The following MYT1L variants were observed in gnomAD, a reference collection of about 807,000 sequenced individuals.
The protein encoded by MYT1L is myelin transcription factor 1-like protein.
Under a neutral mutation model 126.7 loss-of-function variants are expected in MYT1L, and 12 were observed. That is an observed-to-expected ratio of 0.09 (90% CI 0.06 to 0.15). The LOEUF (loss-of-function observed/expected upper bound fraction) is 0.15, where lower values mean the gene tolerates loss of function less well. Ranked by LOEUF, MYT1L falls within the 10% of genes least tolerant of loss-of-function variation. The pLI, the probability that MYT1L is intolerant of heterozygous loss-of-function variation, is 1.00. For missense variants in MYT1L, 979 were observed against 1,585.2 expected, an observed-to-expected ratio of 0.62 and a Z score of 6.49; for synonymous variants, 541 against 604.2, an observed-to-expected ratio of 0.90 and a Z score of 1.53.
In MYT1L at chr2:1,796,259, G is replaced by C. The variant is rs111775729; in HGVS notation, c.3277-3795C>G. 4.5e-3 allele frequency among the ~76,000 whole-genome samples: 687 copies of C among 152,300 alleles called. 4 individuals carry two copies. Among genetic ancestry groups the C allele is most frequent in the African/African-American group, 0.015 (628 of 41,564 alleles). On this transcript the variant is annotated intron_variant, in intron 23 of 24. Transcript: ENST00000647738. ...ATCCCTGGTCTAGACTAAGTACCTTGATGGCGTGATGTGTTTAGAAAACAT... is the reference window on the plus strand; with the variant it reads ...ATCCCTGGTCTAGACTAAGTACCTTCATGGCGTGATGTGTTTAGAAAACAT...
rs986790754 is a variant in MYT1L, at chr2:1,964,422, T to C, written c.152+14743A>G. ...TGTTAGAAAAACGGCATTGATGGAC[T>C]TGTATGGTCAGGGTTGCCACAAACC... On this transcript the variant is annotated intron_variant, in intron 8 of 24. Coordinates refer to ENST00000647738, the MANE Select transcript of MYT1L (RefSeq NM_001303052.2). 2.1e-4 allele frequency among the ~76,000 whole-genome samples: 32 copies of C among 152,198 alleles called. 1 individual carries two copies. Among genetic ancestry groups the C allele is most frequent in the African/African-American group, 7.2e-4 (30 of 41,434 alleles).
chr2:2,327,846 G>A (rs1021167561), intron 1 of MYT1L, among the ~76,000 whole-genome samples: 37 of 151,888 alleles, frequency 2.4e-4, no homozygotes, highest in African/African-American at 8.7e-4. Context: ...AATATTTAAG[G>A]GTAAATAAAC....
chr2:1,956,221 C>CTATCTATT (rs1275667108), intron 8 of MYT1L, among the ~76,000 whole-genome samples: 1 of 133,324 alleles, frequency 7.5e-6, no homozygotes, highest in South Asian at 2.1e-4. Context: ...ATCTATCTAT[C>CTATCTATT]TATCTGTCTA....
intron 3 of MYT1L, among the ~76,000 whole-genome samples, chr2:2,064,664 C>T (rs1425097784): frequency 6.6e-6 from 1 of 152,128 alleles, no homozygotes; most frequent in African/African-American, 2.4e-5. Flanking sequence ...CAATCTTCAA[C>T]TGTTTAGATG....
In MYT1L at chr2:1,879,076, T is replaced by C. The variant is rs534581051; in HGVS notation, c.2711+7463A>G. On this transcript the variant is annotated intron_variant, in intron 18 of 24. Coordinates refer to ENST00000647738, the MANE Select transcript of MYT1L (RefSeq NM_001303052.2). ...ATGTAAGAGAGAGCACAGCAATAGG[T>C]TGAAATTGCAGACGTGGCTGTGAGC... 2.7e-4 allele frequency among the ~76,000 whole-genome samples: 41 copies of C among 152,272 alleles called. No individual in the cohort carries two copies. The East Asian group carries it at 2.9e-3, about 11-fold the overall frequency.
At chr2:2,152,922 G>A (rs2086051438) in intron 3 of MYT1L, among the ~76,000 whole-genome samples, 1 of 152,100 alleles carries the variant, frequency 6.6e-6, no homozygotes, top group South Asian at 2.1e-4. Flanking sequence ...AGAAGCACAC[G>A]GCCATCTACT....
chr2:1,831,649 A>T (rs1222475558), intron 21 of MYT1L, among the ~76,000 whole-genome samples: 1 of 152,122 alleles, frequency 6.6e-6, no homozygotes. Context: ...TGAGCCCAGC[A>T]TCGTTTTGAA....
intron 2 of MYT1L, among the ~76,000 whole-genome samples, chr2:2,279,347 A>G (rs1315603231): frequency 1.3e-5 from 2 of 152,114 alleles, no homozygotes; most frequent in Non-Finnish European, 2.9e-5. Context: ...TTACATATCA[A>G]AGAAGTATTA....
intron 3 of MYT1L, among the ~76,000 whole-genome samples, chr2:2,152,115 A>T (rs754731023): frequency 6.6e-6 from 1 of 152,242 alleles, no homozygotes; most frequent in Non-Finnish European, 1.5e-5. Flanking sequence ...ACATGCTAGC[A>T]TCACCATTCT....
At chr2:2,306,130 C>G (rs961329757) in intron 1 of MYT1L, 2 of 152,214 alleles carry the variant, frequency 1.3e-5, no homozygotes, top group Admixed American at 6.5e-5. Flanking sequence ...TGTGCCCAGA[C>G]TCTTTTCCTC....
intron 2 of MYT1L, among the ~76,000 whole-genome samples, chr2:2,264,987 CT>C (rs1429893886): frequency 6.6e-6 from 1 of 151,934 alleles, no homozygotes; most frequent in African/African-American, 2.4e-5. Context: ...CTATAACTTA[CT>C]GGTCAGAACA....
chr2:2,202,744 AAG>A (rs1343124264), intron 2 of MYT1L, among the ~76,000 whole-genome samples: 1 of 152,206 alleles, frequency 6.6e-6, no homozygotes, highest in African/African-American at 2.4e-5. Flanking sequence ...TCAATAGAAA[AAG>A]AGGGAATCCT....
At chr2:1,886,958 G>T in intron 17 of MYT1L, 1 of 402,818 alleles carries the variant, frequency 2.5e-6, no homozygotes, top group South Asian at 1.3e-4. Flanking sequence ...TTAAAGGGTT[G>T]ACACAGAATT....
At chr2:2,140,432 C>CTTTTTTTTTTTTTTT (rs35297300) in intron 3 of MYT1L, among the ~76,000 whole-genome samples, 11 of 112,970 alleles carry the variant, frequency 9.7e-5, no homozygotes, top group Non-Finnish European at 1.4e-4. Flanking sequence ...CTTTCTTTTT[C>CTTTTTTTTTTTTTTT]TTTTTTTTTT....
At chr2:2,060,664 T>G in intron 3 of MYT1L, among the ~76,000 whole-genome samples, 1 of 135,182 alleles carries the variant, frequency 7.4e-6, no homozygotes. Context: ...TCTCCCTGTC[T>G]CCCTCCCCTC....
intron 2 of MYT1L, among the ~76,000 whole-genome samples, chr2:2,268,168 AT>A (rs2149325902): frequency 6.6e-6 from 1 of 152,314 alleles, no homozygotes; most frequent in South Asian, 2.1e-4. Flanking sequence ...GGATAGAAGG[AT>A]TTATTTCCTG....
intron 19 of MYT1L, among the ~76,000 whole-genome samples, chr2:1,845,037 G>A (rs2042315530): frequency 6.6e-6 from 1 of 151,766 alleles, no homozygotes; most frequent in South Asian, 2.1e-4. Context: ...GGAGTGCAGG[G>A]GCATGACCTT....
At chr2:1,803,617 T>C (rs2035220080) in intron 22 of MYT1L, among the ~76,000 whole-genome samples, 1 of 152,180 alleles carries the variant, frequency 6.6e-6, no homozygotes, top group Non-Finnish European at 1.5e-5. Context: ...CTGGGAGTGA[T>C]GGATGGGTGG....
At chr2:2,197,261 T>C (rs1486265260) in intron 2 of MYT1L, among the ~76,000 whole-genome samples, 1 of 152,180 alleles carries the variant, frequency 6.6e-6, no homozygotes, top group Non-Finnish European at 1.5e-5. Flanking sequence ...TCATTATTTA[T>C]TCAATGTTTA....
Sources: allele counts gnomAD v4.1 joint callset (sites outside exome capture counted in the v4.1 genomes callset), GRCh38; gene constraint gnomAD v4.1.1; transcripts MANE v1.5; gene names NCBI Gene and HGNC (gene_info 2026-07-23, HGNC 2026-07-21).